PDE1C: variants seen among roughly 807,000 people sequenced by gnomAD.
PDE1C encodes the protein phosphodiesterase 1C.
A neutral mutation model predicts 93.1 loss-of-function variants in PDE1C; 62 were observed. The ratio of observed to expected loss-of-function variants is 0.67; its 90% CI spans 0.54 to 0.82. PDE1C has a LOEUF of 0.82. Among genes scored for constraint, PDE1C ranks in the 40% least tolerant of loss-of-function variants. The probability of loss-of-function intolerance (pLI) is 0.00; values close to 1 mark genes in which losing one functional copy is unlikely to be tolerated. For synonymous variants in PDE1C, 325 were observed against 310.1 expected (o/e 1.05, Z -0.50); for missense variants, 742 against 884.6 (o/e 0.84, Z 2.04).
chr7:32,168,501 A>T (rs935330521), intron 3 of PDE1C, among the ~76,000 whole-genome samples: 1 of 152,188 alleles, frequency 6.6e-6, no homozygotes, highest in Non-Finnish European at 1.5e-5. Context: ...AGGAGAAGGG[A>T]TTGACTCCAT....
At chr7:31,980,961 A>T (rs934291812) in intron 2 of PDE1C, among the ~76,000 whole-genome samples, 3 of 152,120 alleles carry the variant, frequency 2.0e-5, no homozygotes, top group Non-Finnish European at 4.4e-5. Context: ...TTCCTATCTC[A>T]AGACCCTTAA....
the PDE1C span, among the ~76,000 whole-genome samples, chr7:31,647,118 G>T: frequency 6.6e-6 from 1 of 152,224 alleles, no homozygotes; most frequent in Non-Finnish European, 1.5e-5. Flanking sequence ...GGAAATAAGA[G>T]ATTGCATTCC....
chr7:32,325,220 G>A (rs545289208), intron 1 of PDE1C, among the ~76,000 whole-genome samples: 1 of 152,290 alleles, frequency 6.6e-6, no homozygotes, highest in African/African-American at 2.4e-5. Context: ...TGCAGCCTGC[G>A]TCACCCTGAA....
the PDE1C span, among the ~76,000 whole-genome samples, chr7:31,674,941 G>A: frequency 1.2e-4 from 19 of 152,276 alleles, no homozygotes; most frequent in South Asian, 3.1e-3. Flanking sequence ...CAGCAGCTAA[G>A]GATGTTGATA....
chr7:31,939,103 G>A (rs1218558034), intron 2 of PDE1C, among the ~76,000 whole-genome samples: 2 of 152,128 alleles, frequency 1.3e-5, no homozygotes, highest in Non-Finnish European at 2.9e-5. Context: ...TATTACTCTA[G>A]CAGTGCGAGG....
the PDE1C span, among the ~76,000 whole-genome samples, chr7:31,709,639 T>C: frequency 6.6e-6 from 1 of 152,004 alleles, no homozygotes; most frequent in African/African-American, 2.4e-5. Flanking sequence ...AAAGAGCATA[T>C]ACAGAATGGT....
chr7:32,043,839 C>A (rs1040922437), intron 2 of PDE1C, among the ~76,000 whole-genome samples: 5 of 152,228 alleles, frequency 3.3e-5, no homozygotes, highest in Admixed American at 1.3e-4. Flanking sequence ...GGCCTCTACA[C>A]CGGCCAGTGT....
chr7:32,320,525 A>C (rs1035146000), intron 1 of PDE1C, among the ~76,000 whole-genome samples: 1 of 133,280 alleles, frequency 7.5e-6, no homozygotes, highest in Non-Finnish European at 1.8e-5. Context: ...AGTGGGGGGA[A>C]AAAGGTAGAG....
chr7:31,637,407 T>C, the PDE1C span, among the ~76,000 whole-genome samples: 2 of 152,168 alleles, frequency 1.3e-5, no homozygotes, highest in Non-Finnish European at 2.9e-5. Context: ...TGTTGTTTCC[T>C]GACTTTTTAA....
At chr7:31,963,986 G>A (rs915132921) in intron 2 of PDE1C, among the ~76,000 whole-genome samples, 2 of 152,204 alleles carry the variant, frequency 1.3e-5, no homozygotes, top group Admixed American at 1.3e-4. Context: ...AGGCAAGGTG[G>A]CCAAATAGGA....
At chr7:31,784,994 G>A (rs1011991983) in intron 16 of PDE1C, 2 of 152,190 alleles carry the variant, frequency 1.3e-5, no homozygotes, top group African/African-American at 4.8e-5. Context: ...GATAGGTCAT[G>A]AGAGGGAAGC....
At chr7:32,113,214 A>G (rs32292) in intron 3 of PDE1C, among the ~76,000 whole-genome samples, 3,703 of 122,368 alleles carry the variant, frequency 0.03, 195 homozygotes, top group African/African-American at 0.11. Context: ...TTATATTTAT[A>G]AATATAAATA....
rs533269413 is a variant in PDE1C, at chr7:31,822,234, G to A, written c.1582+839C>T. Among the ~76,000 whole-genome samples the A allele has an allele frequency of 5.3e-5, 8 of 152,102 alleles. No homozygotes were observed. The East Asian group carries it at 1.2e-3, about 22-fold the overall frequency. Reference sequence around the variant, plus strand: ...TTAGCAAAAACCGACTCTTGTTGAAGGCTCACCTCTAGGAAGCCCAGTCCC... The same window carrying A: ...TTAGCAAAAACCGACTCTTGTTGAAAGCTCACCTCTAGGAAGCCCAGTCCC... On this transcript the variant is annotated intron_variant, in intron 14 of 17. Transcript: ENST00000396191.
At chr7:31,651,127 T>C in the PDE1C span, 1 of 1,609,098 alleles carries the variant, frequency 6.2e-7, no homozygotes, top group Non-Finnish European at 8.5e-7. Flanking sequence ...CTCAGTTCTT[T>C]CTCATTGTTC....
upstream of PDE1C, among the ~76,000 whole-genome samples, chr7:32,303,687 C>T (rs1812931056): frequency 6.6e-6 from 1 of 152,048 alleles, no homozygotes; most frequent in Non-Finnish European, 1.5e-5. Context: ...AAAAAGGTGC[C>T]AAAAACGTAC....
intron 2 of PDE1C, among the ~76,000 whole-genome samples, chr7:31,954,215 G>T (rs1479551892): frequency 6.6e-6 from 1 of 152,156 alleles, no homozygotes; most frequent in Admixed American, 6.5e-5. Context: ...ACTAATTCTT[G>T]AGTGGAAGTG....
intron 1 of PDE1C, among the ~76,000 whole-genome samples, chr7:32,218,008 G>T (rs1031962125): frequency 3.9e-5 from 6 of 152,152 alleles, no homozygotes; most frequent in Non-Finnish European, 8.8e-5. Context: ...TTATTTCAGA[G>T]GCAGTGCCCT....
chr7:31,847,753 T>C, intron 9 of PDE1C: 1 of 500,568 alleles, frequency 2.0e-6, no homozygotes, highest in Non-Finnish European at 3.6e-6. Context: ...CCATAGCCTT[T>C]ATTTATAAAT....
intron 2 of PDE1C, among the ~76,000 whole-genome samples, chr7:32,033,531 C>A (rs1790623003): frequency 6.6e-6 from 1 of 152,128 alleles, no homozygotes; most frequent in South Asian, 2.1e-4. Flanking sequence ...TACTGCAAAA[C>A]TCTAAAGAAT....
Sources: gnomAD v4.1 joint callset for allele counts (sites outside exome capture counted in the v4.1 genomes callset) on GRCh38, gnomAD v4.1.1 for gene constraint, MANE v1.5 for transcripts, NCBI Gene and HGNC (gene_info 2026-07-23, HGNC 2026-07-21) for gene names.